The following MTUS1 variants were observed in gnomAD, a reference collection of about 807,000 sequenced individuals.
MTUS1 encodes microtubule associated scaffold protein 1.
A neutral mutation model predicts 120.8 loss-of-function variants in MTUS1; 109 were observed. The observed-to-expected ratio is 0.90, with a 90% CI of 0.77 to 1.06. MTUS1 has a LOEUF of 1.06. Among genes scored for constraint, MTUS1 ranks in the 50% least tolerant of loss-of-function variants. The probability of loss-of-function intolerance (pLI) is 0.00; values close to 1 mark genes in which losing one functional copy is unlikely to be tolerated. For missense variants in MTUS1, 2,210 were observed against 1,486.3 expected (o/e 1.49, Z -8.01); for synonymous variants, 737 against 550.5 (o/e 1.34, Z -4.74).
intron 7 of MTUS1, among the ~76,000 whole-genome samples, chr8:17,683,092 G>A (rs970499133): frequency 1.1e-4 from 16 of 152,270 alleles, no homozygotes; most frequent in African/African-American, 3.8e-4. Flanking sequence ...CTAACACAGT[G>A]AAACCCCGTC....
At chr8:17,699,450 G>A (rs556387190) in intron 6 of MTUS1, among the ~76,000 whole-genome samples, 2 of 152,138 alleles carry the variant, frequency 1.3e-5, no homozygotes, top group African/African-American at 4.8e-5. Flanking sequence ...CCTGACCTCA[G>A]GTGATCCACA....
intron 1 of MTUS1, among the ~76,000 whole-genome samples, chr8:17,766,864 A>G (rs542361128): frequency 1.4e-4 from 21 of 152,206 alleles, no homozygotes; most frequent in African/African-American, 5.1e-4. Flanking sequence ...TATATTTTAA[A>G]ATATGATCTT....
chr8:17,646,214 G>C (rs975411721), intron 14 of MTUS1, 75 bp from the exon 15 acceptor site: 4 of 1,423,994 alleles, frequency 2.8e-6, no homozygotes, highest in Non-Finnish European at 3.7e-6. Context: ...CTTAGCGTTT[G>C]AAACTTTAAA....
chr8:17,795,317 G>A (rs1563407411), intron 1 of MTUS1, among the ~76,000 whole-genome samples: 5 of 152,136 alleles, frequency 3.3e-5, no homozygotes, highest in Admixed American at 2.0e-4. Flanking sequence ...GTCCTTAAAT[G>A]TTTTAGTTAA....
chr8:17,786,380 C>G (rs1238881788), intron 1 of MTUS1, among the ~76,000 whole-genome samples: 1 of 152,050 alleles, frequency 6.6e-6, no homozygotes, highest in Non-Finnish European at 1.5e-5. Flanking sequence ...GACCCAGGCA[C>G]CATCTCAGAT....
At chr8:17,660,859 A>C (rs2904711) in intron 8 of MTUS1, among the ~76,000 whole-genome samples, 3,367 of 152,326 alleles carry the variant, frequency 0.022, 57 homozygotes, top group Middle Eastern at 0.037. Context: ...GGGCGACAGA[A>C]CGGTGAGCCT....
chr8:17,723,667 C>T lies in MTUS1; in HGVS notation c.2449+5G>A. 1 of 1,608,440 alleles carries T rather than the reference C, an allele frequency of 6.2e-7. No homozygotes were observed. Among genetic ancestry groups the T allele is most frequent in the South Asian group, 1.1e-5 (1 of 90,930 alleles). ...CCCCCGAAGTGTGATATAAAGTCGA[C>T]TTACAATTGTTGCTGTAAGTGCTCA... On this transcript the variant is annotated splice_donor_5th_base_variant and intron_variant, in intron 4 of 14. Transcript: ENST00000693296.
chr8:17,768,577 C>T (rs377733379), intron 1 of MTUS1, among the ~76,000 whole-genome samples: 5 of 151,964 alleles, frequency 3.3e-5, no homozygotes, highest in East Asian at 1.9e-4. Flanking sequence ...ATATCACCCC[C>T]TTTCCCTACC....
chr8:17,645,420 C>T lies in MTUS1; in HGVS notation c.*506G>A, dbSNP rs1216720929. On this transcript the variant is annotated 3_prime_UTR_variant, in exon 15 of 15. Transcript: ENST00000693296. ...TTGATTGATTATTATTTGATTAGTA[C>T]ATATCCAGATATATTCAGATTTTGA... The T allele has an allele frequency of 6.4e-6, 1 of 155,146 alleles. No individual in the cohort carries two copies. Among genetic ancestry groups the T allele is most frequent in the African/African-American group, 2.4e-5 (1 of 41,440 alleles). The allele number at this position is 155,146 out of a possible 1,614,324, so 9.6% of individuals were successfully genotyped here. A position where few individuals can be genotyped will look rare whatever the true frequency, so the allele number is the denominator to read the frequency against.
intron 12 of MTUS1, among the ~76,000 whole-genome samples, chr8:17,652,468 G>T (rs187896789): frequency 1.3e-5 from 2 of 152,162 alleles, no homozygotes; most frequent in East Asian, 3.9e-4. Flanking sequence ...GAAAGTAGAC[G>T]GGGGAGAGCC....
At chr8:17,734,551 G>A (rs1416219473) in intron 3 of MTUS1, among the ~76,000 whole-genome samples, 2 of 152,190 alleles carry the variant, frequency 1.3e-5, no homozygotes, top group African/African-American at 4.8e-5. Flanking sequence ...GCCTCTGCAA[G>A]TATGTTCACA....
chr8:17,655,668 G>A (rs1048249536), intron 9 of MTUS1, among the ~76,000 whole-genome samples, 195 bp downstream of exon 9: 6 of 152,134 alleles, frequency 3.9e-5, no homozygotes, highest in African/African-American at 1.4e-4. Context: ...AGGCTGCAGT[G>A]AGCCAAGATC....
At position 17,644,925 on chromosome 8, in the gene MTUS1, G is replaced by A; in HGVS notation, c.*1001C>T. On this transcript the variant is annotated 3_prime_UTR_variant, in exon 15 of 15. Coordinates refer to ENST00000693296, the MANE Select transcript of MTUS1 (RefSeq NM_001363059.2). ...TAGAAGGTTTGCTTTTGTGGCTCTG[G>A]ATGGTGGAGAAAGGTAAAAGGAAAA... 6.6e-6 allele frequency: 1 copy of A among 152,250 alleles called. No individual in the cohort carries two copies. The highest frequency in any genetic ancestry group is 1.5e-5 in the Non-Finnish European group (1 of 68,040). 9.4% of individuals were successfully genotyped at this position (152,250 alleles called of 1,614,324 possible).
intron 6 of MTUS1, among the ~76,000 whole-genome samples, chr8:17,691,602 A>C (rs1375913811): frequency 6.6e-6 from 1 of 152,238 alleles, no homozygotes; most frequent in Non-Finnish European, 1.5e-5. Context: ...GGGCAGTGAA[A>C]GACTACATCT....
At chr8:17,784,491 C>T in intron 1 of MTUS1, among the ~76,000 whole-genome samples, 1 of 152,108 alleles carries the variant, frequency 6.6e-6, no homozygotes, top group Non-Finnish European at 1.5e-5. Flanking sequence ...GATGAAGTAT[C>T]ACCATATTGG....
chr8:17,767,984 C>G (rs958911241), intron 1 of MTUS1, among the ~76,000 whole-genome samples: 2 of 152,200 alleles, frequency 1.3e-5, no homozygotes, highest in Admixed American at 1.3e-4. Flanking sequence ...AAGGAGAGGA[C>G]AAGCCAGACA....
At chr8:17,700,242 T>TG (rs1404501105) in intron 6 of MTUS1, among the ~76,000 whole-genome samples, 7 of 151,794 alleles carry the variant, frequency 4.6e-5, no homozygotes, top group Non-Finnish European at 8.8e-5. Context: ...CCAAGGCAGG[T>TG]GGGATCACCT....
chr8:17,667,195 G>C (rs1811098129), intron 8 of MTUS1, among the ~76,000 whole-genome samples: 1 of 152,202 alleles, frequency 6.6e-6, no homozygotes, highest in African/African-American at 2.4e-5. Flanking sequence ...ATTGAGGGCA[G>C]ATGTGGATAG....
intron 8 of MTUS1, among the ~76,000 whole-genome samples, chr8:17,663,315 G>A (rs1228074456): frequency 6.6e-6 from 1 of 152,116 alleles, no homozygotes; most frequent in African/African-American, 2.4e-5. Flanking sequence ...ATTTCCCTTT[G>A]TTGATTGATA....
Sources: allele counts gnomAD v4.1 joint callset (sites outside exome capture counted in the v4.1 genomes callset), GRCh38; gene constraint gnomAD v4.1.1; transcripts MANE v1.5; gene names NCBI Gene and HGNC (gene_info 2026-07-23, HGNC 2026-07-21).